The following INPP1 variants were observed in gnomAD, a reference collection of about 807,000 sequenced individuals.
The protein encoded by INPP1 is inositol polyphosphate 1-phosphatase.
In INPP1, 18 loss-of-function variants were observed where a neutral mutation model predicts 23.0. That is an observed-to-expected ratio of 0.78 (90% confidence interval 0.54 to 1.16). The LOEUF (loss-of-function observed/expected upper bound fraction) is 1.16. INPP1 is among the 50% of genes most tolerant of loss of function. The pLI is 0.00. For synonymous variants in INPP1, 164 were observed against 176.3 expected (o/e 0.93, Z 0.55); for missense variants, 448 against 482.1 (o/e 0.93, Z 0.66).
intron 6 of INPP1, among the ~76,000 whole-genome samples, chr2:190,370,629 G>A (rs1192485976): frequency 3.0e-4 from 45 of 152,168 alleles, no homozygotes; most frequent in Admixed American, 2.9e-3. Flanking sequence ...AAAATTGAAA[G>A]CATTTCTAAT....
chr2:190,350,246 A>AC (rs1337450583), intron 2 of INPP1, among the ~76,000 whole-genome samples: 1 of 152,278 alleles, frequency 6.6e-6, no homozygotes, highest in Non-Finnish European at 1.5e-5. Flanking sequence ...ACGTTACTAC[A>AC]GAATACTTAC....
At chr2:190,359,683 A>G (rs2067401) in intron 2 of INPP1, 1 of 76,250 alleles carries the variant, frequency 1.3e-5, no homozygotes, top group Non-Finnish European at 2.3e-5. Context: ...GCTGCTAAGC[A>G]TATGATCATT....
chr2:190,361,079 C>A (rs1384578156), intron 3 of INPP1, among the ~76,000 whole-genome samples: 1 of 152,076 alleles, frequency 6.6e-6, no homozygotes, highest in Non-Finnish European at 1.5e-5. Flanking sequence ...AATATATTAA[C>A]TTATTTAGCT....
rs1037766289 is a variant in INPP1, at chr2:190,368,448, G to A, written c.467-655G>A. On this transcript the variant is annotated intron_variant, in intron 5 of 6. Transcript: ENST00000392329. The surrounding 1 kb of genome is among the most constrained non-coding windows in gnomAD (Gnocchi z 4.3). ...ATAATATTACCTGTGACCTATTACA[G>A]GAGGGGGGCTTTTCTTTTTTTCTTT... Among the ~76,000 whole-genome samples the A allele has an allele frequency of 6.7e-6, 1 of 149,720 alleles. No individual in the cohort carries two copies. Among genetic ancestry groups the A allele is most frequent in the Non-Finnish European group, 1.5e-5 (1 of 68,014 alleles).
In INPP1 at chr2:190,371,255, G is replaced by C; in HGVS notation, c.1053G>C (p.Leu351Phe). ...NPETGLDLPQ[L>F]VYHVENEGAA... ...AAACAGGGCTTGATTTGCCACAGTT[G>C]GTGTACCACGTGGAAAATGAGGGTG... The change falls in exon 7 of 7, where the codon TTG becomes TTC. Residue 351 changes from leucine (L) to phenylalanine (F), a missense_variant. Transcript: ENST00000392329. The surrounding 1 kb of genome is among the most constrained non-coding windows in gnomAD (Gnocchi z 5.3). 2.5e-6 allele frequency: 4 copies of C among 1,612,562 alleles called. No homozygotes were observed. Among genetic ancestry groups the C allele is most frequent in the Non-Finnish European group, 3.4e-6 (4 of 1,179,002 alleles).
intron 2 of INPP1, among the ~76,000 whole-genome samples, chr2:190,357,287 A>G (rs561800171): frequency 2.0e-5 from 3 of 152,378 alleles, no homozygotes; most frequent in African/African-American, 7.2e-5. Context: ...ACATTTAAAA[A>G]TGTAATTTAT....
chr2:190,369,039 A>G, intron 5 of INPP1, 64 bp from the exon 6 acceptor site: 3 of 956,708 alleles, frequency 3.1e-6, no homozygotes, highest in Non-Finnish European at 4.5e-6. Flanking sequence ...GAGAGAAGTC[A>G]TATGGAACAG....
rs1689398311 is a variant in INPP1, at chr2:190,355,088, TG to T, written c.-64-4946del. Among the ~76,000 whole-genome samples, 1 of 152,094 alleles carries T rather than the reference TG, an allele frequency of 6.6e-6. No homozygotes were observed. Among genetic ancestry groups the T allele is most frequent in the Non-Finnish European group, 1.5e-5 (1 of 68,010 alleles). On this transcript the variant is annotated intron_variant, in intron 2 of 6. Coordinates refer to ENST00000392329, the MANE Select transcript of INPP1 (RefSeq NM_001128928.2). The surrounding 1 kb of genome is among the most constrained non-coding windows in gnomAD (Gnocchi z 5.1). ...CACTGGCTAGAGTACTGGTCAACAGTGGGGGCTTCTGCCAGCTTGCCTAGGT... is the reference window on the plus strand; with the variant it reads ...CACTGGCTAGAGTACTGGTCAACAGTGGGGCTTCTGCCAGCTTGCCTAGGT...
chr2:190,350,792 CA>C (rs1350117452), intron 2 of INPP1, among the ~76,000 whole-genome samples: 2 of 152,092 alleles, frequency 1.3e-5, no homozygotes, highest in African/African-American at 4.8e-5. Flanking sequence ...CTCACAAAAC[CA>C]AATTAAACTC....
chr2:190,367,203 G>A lies in INPP1; in HGVS notation c.466+308G>A, dbSNP rs1689698342. Among the ~76,000 whole-genome samples the A allele has an allele frequency of 6.6e-6, 1 of 152,156 alleles. No individual in the cohort carries two copies. Among genetic ancestry groups the A allele is most frequent in the African/African-American group, 2.4e-5 (1 of 41,428 alleles). On this transcript the variant is annotated intron_variant, in intron 5 of 6. Transcript: ENST00000392329. The surrounding 1 kb of genome is among the most constrained non-coding windows in gnomAD (Gnocchi z 4.1). ...TCTCTTCAAAAGACTTCAGGGACCA[G>A]ACTGGTAAGTAAATGAGAGAATGAA... is the stretch of plus-strand genomic sequence containing the variant.
chr2:190,366,790 T>G lies in INPP1; in HGVS notation c.361T>G (p.Leu121Val). Residue 121 changes from leucine (L) to valine (V), a missense_variant, in exon 5 of 7, where the codon TTA becomes GTA. Transcript: ENST00000392329. ...TGGTAACAAGGTGGCATCTGAAGCA[T>G]TAGCCAGGGTTGTTCATCAGGATGT... ...LNGNKVASEA[L>V]ARVVHQDVAF... The G allele has an allele frequency of 6.2e-7, 1 of 1,613,236 alleles. No homozygotes were observed. The highest frequency in any genetic ancestry group is 8.5e-7 in the Non-Finnish European group (1 of 1,179,136).
chr2:190,367,018 A>G lies in INPP1; in HGVS notation c.466+123A>G. ...TTTAACTCTGCTAGAAGTTTTTAAAATTTTAAAGTTTTAAAACAATGAGAG... is the reference window on the plus strand; with the variant it reads ...TTTAACTCTGCTAGAAGTTTTTAAAGTTTTAAAGTTTTAAAACAATGAGAG... On this transcript the variant is annotated intron_variant, in intron 5 of 6. Transcript: ENST00000392329. The surrounding 1 kb of genome is among the most constrained non-coding windows in gnomAD (Gnocchi z 4.1). The G allele has an allele frequency of 1.5e-6, 1 of 648,404 alleles. No individual in the cohort carries two copies. The allele number at this position is 648,404 out of a possible 1,614,324, so 40.2% of individuals were successfully genotyped here.
At position 190,369,207 on chromosome 2, in the gene INPP1, A is replaced by G; in HGVS notation, c.571A>G (p.Ile191Val). 6.2e-7 allele frequency: 1 copy of G among 1,604,564 alleles called. No homozygotes were observed. Among genetic ancestry groups the G allele is most frequent in the African/African-American group, 1.3e-5 (1 of 74,910 alleles). ...CACCATTTTAATTGGTGTCTATGAC[A>G]TACAGACAGGGGTTCCCCTGATGGG... is the stretch of plus-strand genomic sequence containing the variant. The part of the protein sequence containing the change: ...CVTILIGVYD[I>V]QTGVPLMGVI... The change falls in exon 6 of 7, where the codon ATA becomes GTA. Residue 191 changes from isoleucine (I) to valine (V), a missense_variant. By Grantham distance (29) the Ile-to-Val change is conservative. Transcript: ENST00000392329.
In INPP1 at chr2:190,346,250, C is replaced by G. The variant is rs1471909080; in HGVS notation, c.-209+2289C>G. ...AATGATAAAATTTTAAAATAGTCAA[C>G]AACAACAAAAAAGGTGAGTTTGGGA... On this transcript the variant is annotated intron_variant, in intron 1 of 6. Transcript: ENST00000392329. The surrounding 1 kb of genome is among the most constrained non-coding windows in gnomAD (Gnocchi z 5.1). 6.6e-6 allele frequency among the ~76,000 whole-genome samples: 1 copy of G among 151,936 alleles called. No individual in the cohort carries two copies. Among genetic ancestry groups the G allele is most frequent in the Admixed American group, 6.6e-5 (1 of 15,260 alleles).
chr2:190,364,306 A>G (rs1168316905), intron 4 of INPP1, among the ~76,000 whole-genome samples: 1 of 151,946 alleles, frequency 6.6e-6, no homozygotes, highest in Non-Finnish European at 1.5e-5. Flanking sequence ...TTGGGAGGCC[A>G]GGGCGGGTGG....
rs988335200 is a variant in INPP1 at position 190,345,646 on chromosome 2, A to T, written c.-209+1685A>T. 7 of 152,200 alleles carry T rather than the reference A, an allele frequency of 4.6e-5. No individual in the cohort carries two copies. Among genetic ancestry groups the T allele is most frequent in the Admixed American group, 4.6e-4 (7 of 15,274 alleles). The allele number at this position is 152,200 out of a possible 1,614,324, so 9.4% of individuals were successfully genotyped here. A position where few individuals can be genotyped will look rare whatever the true frequency, so the allele number is the denominator to read the frequency against. The stretch of plus-strand genomic sequence containing the variant: ...TGAATGTTCTTGTTAAAATACTTTG[A>T]ATCTTGTAATGAAGTTAATAAAACT... On this transcript the variant is annotated intron_variant, in intron 1 of 6. Transcript: ENST00000392329. This position sits in a 1 kb window ranked among gnomAD's most constrained non-coding sequence, Gnocchi z 4.9.
rs1237251544 is a variant in INPP1, at chr2:190,355,684, A to G, written c.-64-4355A>G. Among the ~76,000 whole-genome samples the G allele has an allele frequency of 3.9e-5, 6 of 152,226 alleles. No homozygotes were observed. The highest frequency in any genetic ancestry group is 8.8e-5 in the Non-Finnish European group (6 of 68,032). ...ATAGTCAAGGCTATTAAATTATGGT[A>G]AATGCCATAACTTACTAATCATAAG... On this transcript the variant is annotated intron_variant, in intron 2 of 6. Transcript: ENST00000392329. The surrounding 1 kb of genome is among the most constrained non-coding windows in gnomAD (Gnocchi z 5.1).
intron 4 of INPP1, among the ~76,000 whole-genome samples, chr2:190,365,394 G>T (rs1689624916): frequency 6.6e-6 from 1 of 152,170 alleles, no homozygotes; most frequent in South Asian, 2.1e-4. Flanking sequence ...ATATAAGGAG[G>T]TAGAAGCACT....
chr2:190,349,700 A>G (rs1208787508), intron 2 of INPP1, among the ~76,000 whole-genome samples: 1 of 152,022 alleles, frequency 6.6e-6, no homozygotes, highest in Non-Finnish European at 1.5e-5. Context: ...ATCTCTTAGC[A>G]TACAAAAACT....
Sources: allele counts gnomAD v4.1 joint callset (sites outside exome capture counted in the v4.1 genomes callset), GRCh38; gene constraint gnomAD v4.1.1; non-coding constraint Gnocchi (gnomAD v3.1); transcripts MANE v1.5; gene names NCBI Gene and HGNC (gene_info 2026-07-23, HGNC 2026-07-21).